CLCN5: variants seen among roughly 807,000 people sequenced by gnomAD.
CLCN5 encodes the protein Cl-/H+ antiporter 5.
A neutral mutation model predicts 54.0 loss-of-function variants in CLCN5; 17 were observed. That is an observed-to-expected ratio of 0.31 (90% CI 0.22 to 0.47). The LOEUF (loss-of-function observed/expected upper bound fraction) is 0.47. Among genes scored for constraint, CLCN5 ranks in the 20% least tolerant of loss-of-function variants. The probability of loss-of-function intolerance (pLI) is 1.00; values close to 1 mark genes in which losing one functional copy is unlikely to be tolerated. For synonymous variants in CLCN5, 222 were observed against 233.0 expected (o/e 0.95, Z 0.43); for missense variants, 448 against 646.7 (o/e 0.69, Z 3.33).
intron 3 of CLCN5, among the ~76,000 whole-genome samples, chrX:49,939,836 A>G (rs1455865874): frequency 2.7e-5 from 3 of 111,857 alleles, no homozygotes; most frequent in South Asian, 7.5e-4. Context: ...GCTTTGTGGT[A>G]TCTCTTACAT....
chrX:49,973,448 T>C (rs1928327117), intron 3 of CLCN5, among the ~76,000 whole-genome samples: 1 of 109,817 alleles, frequency 9.1e-6, no homozygotes, highest in African/African-American at 3.4e-5. Flanking sequence ...TGTGCCATGT[T>C]GGTGTGCTGC....
intron 3 of CLCN5, among the ~76,000 whole-genome samples, chrX:49,985,323 C>T (rs183702762): frequency 2.8e-4 from 31 of 111,659 alleles, no homozygotes; most frequent in Non-Finnish European, 4.9e-4. Flanking sequence ...TCCTATCTTA[C>T]TGTCTTGTGC....
At chrX:49,992,158 G>A (rs1343847689) in intron 3 of CLCN5, among the ~76,000 whole-genome samples, 5 of 108,582 alleles carry the variant, frequency 4.6e-5, no homozygotes, top group African/African-American at 1.0e-4. Flanking sequence ...CATAGAATCT[G>A]CAAAACGGTC....
chrX:49,940,019 G>A (rs2147268998), intron 3 of CLCN5, among the ~76,000 whole-genome samples: 2 of 111,371 alleles, frequency 1.8e-5, no homozygotes, highest in East Asian at 5.7e-4. Flanking sequence ...CCCTTCAATT[G>A]CATCCCACTG....
At chrX:49,990,000 G>C (rs1892076283) in intron 3 of CLCN5, among the ~76,000 whole-genome samples, 2 of 111,510 alleles carry the variant, frequency 1.8e-5, no homozygotes, top group Non-Finnish European at 3.8e-5. Context: ...TAGTTTCAGG[G>C]TCGGTAATTA....
At chrX:49,978,083 A>G (rs1928567063) in intron 3 of CLCN5, among the ~76,000 whole-genome samples, 1 of 111,538 alleles carries the variant, frequency 9.0e-6, no homozygotes. Flanking sequence ...GAGTACAGGT[A>G]AGGACGCTGA....
In CLCN5 at chrX:49,970,349, C is replaced by T. The variant is rs181070574; in HGVS notation, c.16+45035C>T. On this transcript the variant is annotated intron_variant, in intron 3 of 14. Transcript: ENST00000376091. Reference sequence around the variant, plus strand: ...ATTATATTTAGAGTTGGGCAACCATCACCACAATCTAATTTAAAAACATTT... The same window carrying T: ...ATTATATTTAGAGTTGGGCAACCATTACCACAATCTAATTTAAAAACATTT... Among the ~76,000 whole-genome samples the T allele has an allele frequency of 2.7e-5, 3 of 111,026 alleles. No individual in the cohort carries two copies. In the East Asian group the frequency reaches 8.5e-4, roughly 32 times the overall value.
intron 3 of CLCN5, among the ~76,000 whole-genome samples, chrX:49,961,571 A>G (rs1419861154): frequency 9.0e-6 from 1 of 111,728 alleles, no homozygotes; most frequent in African/African-American, 3.3e-5. Context: ...GCCAGATGCC[A>G]TCTCACCAGC....
At chrX:50,007,440 TCA>T (rs1198364892) in intron 3 of CLCN5, among the ~76,000 whole-genome samples, 1,658 of 68,935 alleles carry the variant, frequency 0.024, 24 homozygotes, top group African/African-American at 0.061. Context: ...TCTCTCTCTG[TCA>T]CACACACACA....
intron 3 of CLCN5, among the ~76,000 whole-genome samples, chrX:49,971,256 ATATATATTTT>A (rs1426575003): frequency 9.6e-6 from 1 of 103,795 alleles, no homozygotes; most frequent in Non-Finnish European, 1.9e-5. Context: ...ATATATATTT[ATATATATTTT>A]TATATATATT....
intron 3 of CLCN5, among the ~76,000 whole-genome samples, chrX:49,954,067 A>G (rs1281490300): frequency 8.9e-6 from 1 of 111,936 alleles, no homozygotes; most frequent in Non-Finnish European, 1.9e-5. Flanking sequence ...GTTGCTTCTC[A>G]GTTTTGATAT....
intron 3 of CLCN5, among the ~76,000 whole-genome samples, chrX:49,929,785 T>G (rs1234779624): frequency 2.8e-5 from 3 of 107,967 alleles, no homozygotes; most frequent in Non-Finnish European, 5.7e-5. Flanking sequence ...TTTTGTTTTT[T>G]TTTTTTTTGG....
At chrX:50,030,698 C>T (rs782025292) in intron 3 of CLCN5, among the ~76,000 whole-genome samples, 1 of 112,159 alleles carries the variant, frequency 8.9e-6, no homozygotes, top group South Asian at 3.7e-4. Context: ...ACATTTTAAA[C>T]TTTTAAATAC....
chrX:50,053,072 C>CTTT (rs1220462625), intron 4 of CLCN5, among the ~76,000 whole-genome samples: 1 of 111,379 alleles, frequency 9.0e-6, no homozygotes, highest in Non-Finnish European at 1.9e-5. Context: ...GATTTTTAAT[C>CTTT]TTTTTAAAGT....
At chrX:50,035,650 G>C (rs1226439320) in intron 3 of CLCN5, among the ~76,000 whole-genome samples, 2 of 112,403 alleles carry the variant, frequency 1.8e-5, no homozygotes, top group Non-Finnish European at 3.8e-5. Context: ...CAGCTTGCCT[G>C]AGCACAGGCA....
intron 3 of CLCN5, among the ~76,000 whole-genome samples, chrX:49,961,380 C>A (rs782364801): frequency 2.7e-4 from 30 of 111,884 alleles, no homozygotes; most frequent in African/African-American, 9.7e-4. Flanking sequence ...TCATTAACAG[C>A]TTAGTGAAGT....
At position 50,038,841 on chromosome X, in the gene CLCN5, G is replaced by T. The variant is rs1225171522; in HGVS notation, c.17-3475G>T. ...TTTGACGCATAGAGTCAAAGGTTGA[G>T]GTCAACATTTCCAGGAAGAGGTCCA... On this transcript the variant is annotated intron_variant, in intron 3 of 14. Transcript: ENST00000376091. Among the ~76,000 whole-genome samples the T allele has an allele frequency of 2.7e-5, 3 of 111,899 alleles. No individual in the cohort carries two copies. In the Admixed American group the frequency reaches 2.8e-4, roughly 11 times the overall value.
At chrX:50,065,951 G>T (rs1445317119) in intron 4 of CLCN5, among the ~76,000 whole-genome samples, 1 of 90,189 alleles carries the variant, frequency 1.1e-5, no homozygotes, top group Non-Finnish European at 2.1e-5. Context: ...TCATAGGTGG[G>T]AATTGAACAA....
chrX:50,057,226 C>T (rs1298522417), intron 4 of CLCN5, among the ~76,000 whole-genome samples: 3 of 108,103 alleles, frequency 2.8e-5, no homozygotes, highest in African/African-American at 1.0e-4. Flanking sequence ...GGAGGAGAGT[C>T]CTGAGGAAAA....
Sources: allele counts gnomAD v4.1 joint callset (sites outside exome capture counted in the v4.1 genomes callset), GRCh38; gene constraint gnomAD v4.1.1; transcripts MANE v1.5; gene names NCBI Gene and HGNC (gene_info 2026-07-23, HGNC 2026-07-21).